SHB: variants seen among roughly 807,000 people sequenced by gnomAD.
SHB encodes the protein SH2 domain-containing adapter protein B.
Under a neutral mutation model 52.3 loss-of-function variants are expected in SHB, and 20 were observed. The ratio of observed to expected loss-of-function variants is 0.38; its 90% CI spans 0.27 to 0.56. SHB has a LOEUF of 0.56. Among genes scored for constraint, SHB ranks in the 20% least tolerant of loss-of-function variants. SHB has a pLI of 0.71. For missense variants in SHB, 825 were observed against 723.3 expected (o/e 1.14, Z -1.61); for synonymous variants, 397 against 316.5 (o/e 1.25, Z -2.70).
intron 1 of SHB, among the ~76,000 whole-genome samples, chr9:38,047,847 C>A (rs916519478): frequency 5.3e-5 from 8 of 152,240 alleles, no homozygotes; most frequent in Non-Finnish European, 8.8e-5. Context: ...AGTTCCCGCA[C>A]AGGTCCTTGC....
chr9:37,921,915 C>A (rs1258940558), intron 5 of SHB, among the ~76,000 whole-genome samples: 1 of 152,220 alleles, frequency 6.6e-6, no homozygotes, highest in African/African-American at 2.4e-5. Context: ...AAAAGCTGAG[C>A]TCTCAGAGCC....
In SHB at chr9:37,916,596, G is replaced by T. The variant is rs540941974; in HGVS notation, c.*3225C>A. 3.3e-5 allele frequency among the ~76,000 whole-genome samples: 5 copies of T among 152,194 alleles called. No individual in the cohort carries two copies. The highest frequency in any genetic ancestry group is 7.3e-5 in the Non-Finnish European group (5 of 68,036). The stretch of plus-strand genomic sequence containing the variant: ...CACTCTCAGGCCACAGAGGGGCCCC[G>T]GCCCACAGCCGCCCTGTGAGGACAG... On this transcript the variant is annotated 3_prime_UTR_variant, in exon 6 of 6. Transcript: ENST00000377707.
chr9:38,015,626 T>C lies in SHB; in HGVS notation c.838+385A>G. On this transcript the variant is annotated intron_variant, in intron 2 of 5. Coordinates refer to ENST00000377707, the MANE Select transcript of SHB (RefSeq NM_003028.3). Reference sequence around the variant, plus strand: ...ACGAAAGCCAGGTGACCCAGCCTGCTTCCCTTTTTGCCCTGCCTACTACGA... The same window carrying C: ...ACGAAAGCCAGGTGACCCAGCCTGCCTCCCTTTTTGCCCTGCCTACTACGA... The C allele has an allele frequency of 3.0e-5, 18 of 601,954 alleles. No homozygotes were observed. The South Asian group carries it at 3.6e-4, about 12-fold the overall frequency. 37.3% of individuals were successfully genotyped at this position (601,954 alleles called of 1,614,324 possible).
At chr9:38,062,937 C>T (rs1185970245) in intron 1 of SHB, among the ~76,000 whole-genome samples, 4 of 152,156 alleles carry the variant, frequency 2.6e-5, no homozygotes, top group Non-Finnish European at 5.9e-5. Flanking sequence ...AATCAAACCA[C>T]GGGCGGTTTT....
intron 5 of SHB, among the ~76,000 whole-genome samples, chr9:37,934,036 C>A (rs572016160): frequency 1.1e-4 from 16 of 152,216 alleles, no homozygotes; most frequent in Non-Finnish European, 2.1e-4. Context: ...TCTCACACAG[C>A]GGGAGTCAGC....
chr9:37,955,000 T>C, intron 4 of SHB, among the ~76,000 whole-genome samples: 1 of 151,974 alleles, frequency 6.6e-6, no homozygotes, highest in African/African-American at 2.4e-5. Context: ...GGCCACTGAC[T>C]GGAGGTGGGA....
intron 5 of SHB, among the ~76,000 whole-genome samples, chr9:37,924,040 G>A (rs1234049248): frequency 1.3e-5 from 2 of 152,248 alleles, no homozygotes; most frequent in Non-Finnish European, 2.9e-5. Flanking sequence ...AGGCTGCTAT[G>A]CCTGCCAAGC....
Position 38,068,199 on chromosome 9 carries a change from G to A in SHB, c.447C>T (p.Ala149=). The A allele has an allele frequency of 1.4e-6, 2 of 1,402,802 alleles. No individual in the cohort carries two copies. Among genetic ancestry groups the A allele is most frequent in the Non-Finnish European group, 1.8e-6 (2 of 1,091,710 alleles). 86.9% of individuals were successfully genotyped at this position (1,402,802 alleles called of 1,614,324 possible). Residue 149 remains alanine, a synonymous_variant, in exon 1 of 6, where the codon GCC becomes GCT. Transcript: ENST00000377707. ...CCCASSGAGA[A]ASSSSSSGSP... is the part of the protein sequence containing the mutation. ...AGCCGGAGGACGAGGACGAGGACGC[G>A]GCGGCCCCCGCGCCCGAGGAGGCGC...
At chr9:37,997,010 T>C (rs1820955236) in intron 2 of SHB, among the ~76,000 whole-genome samples, 1 of 152,190 alleles carries the variant, frequency 6.6e-6, no homozygotes. Context: ...AGCTCAATAG[T>C]CTGAGTCAGG....
intron 1 of SHB, among the ~76,000 whole-genome samples, chr9:38,057,520 T>C (rs1821837345): frequency 6.6e-6 from 1 of 152,226 alleles, no homozygotes; most frequent in African/African-American, 2.4e-5. Flanking sequence ...GCTGGTCCCT[T>C]TCTGAGGAAC....
chr9:37,927,916 CTTCT>C, intron 5 of SHB, among the ~76,000 whole-genome samples: 1 of 151,860 alleles, frequency 6.6e-6, no homozygotes, highest in East Asian at 1.9e-4. Context: ...GGGTCTAGGG[CTTCT>C]TTCTTTCCTT....
chr9:37,929,835 G>C (rs965433881), intron 5 of SHB, among the ~76,000 whole-genome samples: 1 of 152,238 alleles, frequency 6.6e-6, no homozygotes, highest in African/African-American at 2.4e-5. Context: ...TGGGCGTGGT[G>C]ACTCATGCAC....
chr9:37,985,145 T>C (rs1429874202), intron 2 of SHB, among the ~76,000 whole-genome samples: 4 of 152,168 alleles, frequency 2.6e-5, no homozygotes, highest in Non-Finnish European at 5.9e-5. Context: ...GGGACAACAA[T>C]GGTCACCTTA....
intron 5 of SHB, among the ~76,000 whole-genome samples, chr9:37,920,851 T>C (rs1324837913): frequency 6.6e-6 from 1 of 152,196 alleles, no homozygotes; most frequent in African/African-American, 2.4e-5. Context: ...CATGCTTGGC[T>C]TCAGACCTGC....
chr9:38,046,467 G>A (rs771321969), intron 1 of SHB, among the ~76,000 whole-genome samples: 9 of 151,620 alleles, frequency 5.9e-5, no homozygotes, highest in African/African-American at 1.9e-4. Context: ...ACTGATGCTC[G>A]AAGCCCCCCC....
intron 1 of SHB, among the ~76,000 whole-genome samples, chr9:38,060,079 T>C (rs576519526): frequency 1.3e-5 from 2 of 152,190 alleles, no homozygotes; most frequent in Non-Finnish European, 2.9e-5. Context: ...CATGGGATTG[T>C]GCAGCTTGAG....
intron 4 of SHB, among the ~76,000 whole-genome samples, chr9:37,954,935 G>A (rs1832611481): frequency 1.3e-5 from 2 of 152,052 alleles, no homozygotes; most frequent in Non-Finnish European, 2.9e-5. Flanking sequence ...CAGTGCTGGG[G>A]GGCAGCAAGA....
At chr9:37,977,087 G>C (rs1018853458) in intron 2 of SHB, among the ~76,000 whole-genome samples, 3 of 152,200 alleles carry the variant, frequency 2.0e-5, no homozygotes, top group Non-Finnish European at 4.4e-5. Context: ...CAGTTGGGTG[G>C]TAGTAACCTG....
At chr9:37,964,791 G>A (rs928421161) in intron 3 of SHB, among the ~76,000 whole-genome samples, 5 of 152,172 alleles carry the variant, frequency 3.3e-5, no homozygotes, top group Admixed American at 1.3e-4. Context: ...TCAGTGCATA[G>A]TACCGCCCCC....
Sources: allele counts gnomAD v4.1 joint callset (sites outside exome capture counted in the v4.1 genomes callset), GRCh38; gene constraint gnomAD v4.1.1; transcripts MANE v1.5; gene names NCBI Gene and HGNC (gene_info 2026-07-23, HGNC 2026-07-21).